The following KCNH7 variants were observed in gnomAD, a reference collection of about 807,000 sequenced individuals.
KCNH7 encodes voltage-gated inwardly rectifying potassium channel KCNH7.
In KCNH7, 49 loss-of-function variants were observed where a neutral mutation model predicts 120.8. The observed-to-expected ratio is 0.41, with a 90% CI of 0.32 to 0.51. The LOEUF is 0.51. KCNH7 is among the 20% of genes least tolerant of loss of function. The pLI, the probability that KCNH7 is intolerant of heterozygous loss-of-function variation, is 0.38. For missense variants in KCNH7, 1,097 were observed against 1,446.6 expected, an observed-to-expected ratio of 0.76 and a Z score of 3.92; for synonymous variants, 547 against 516.1, an observed-to-expected ratio of 1.06 and a Z score of -0.81.
In KCNH7 at chr2:162,403,968, C is replaced by A. The variant is rs1033411166; in HGVS notation, c.2155-3527G>T. 3.3e-5 allele frequency among the ~76,000 whole-genome samples: 5 copies of A among 151,878 alleles called. No individual in the cohort carries two copies. In the South Asian group the frequency reaches 1.0e-3, roughly 31 times the overall value. On this transcript the variant is annotated intron_variant, in intron 9 of 15. Coordinates refer to ENST00000332142, the MANE Select transcript of KCNH7 (RefSeq NM_033272.4). ...CTTAAGAAGATATTTATCCAGGGCA[C>A]CCCTTTTCATTGGCCTCAGCTATAT...
chr2:162,834,582 C>A (rs919382418), intron 2 of KCNH7, among the ~76,000 whole-genome samples: 1 of 151,924 alleles, frequency 6.6e-6, no homozygotes, highest in African/African-American at 2.4e-5. Flanking sequence ...ATGCATATAA[C>A]CAAGAAAATC....
intron 2 of KCNH7, among the ~76,000 whole-genome samples, chr2:162,670,389 G>T (rs1464593648): frequency 7.2e-6 from 1 of 139,060 alleles, no homozygotes; most frequent in African/African-American, 2.8e-5. Context: ...CAAGAGAGTC[G>T]CTTAAACCCG....
intron 2 of KCNH7, among the ~76,000 whole-genome samples, chr2:162,672,604 G>A (rs1057389964): frequency 5.9e-5 from 9 of 151,952 alleles, no homozygotes; most frequent in African/African-American, 1.4e-4. Context: ...AATAACAAAT[G>A]TTAATGAAAT....
intron 6 of KCNH7, among the ~76,000 whole-genome samples, chr2:162,466,300 T>C (rs1689302536): frequency 6.6e-6 from 1 of 152,140 alleles, no homozygotes; most frequent in African/African-American, 2.4e-5. Flanking sequence ...GACTGGGTAA[T>C]TTATAAAAAG....
At chr2:162,700,416 C>T (rs929962414) in intron 2 of KCNH7, among the ~76,000 whole-genome samples, 2 of 152,170 alleles carry the variant, frequency 1.3e-5, no homozygotes, top group African/African-American at 2.4e-5. Flanking sequence ...GCCAGCTTCT[C>T]TGCTTTCCTT....
intron 6 of KCNH7, among the ~76,000 whole-genome samples, chr2:162,462,072 T>C (rs180896873): frequency 6.6e-6 from 1 of 152,256 alleles, no homozygotes; most frequent in East Asian, 1.9e-4. Flanking sequence ...TCTCTGAGAT[T>C]ACACAATTAT....
intron 2 of KCNH7, among the ~76,000 whole-genome samples, chr2:162,816,991 A>G (rs1684937708): frequency 6.6e-6 from 1 of 152,138 alleles, no homozygotes; most frequent in Non-Finnish European, 1.5e-5. Flanking sequence ...CTTTATACGC[A>G]TTTATTTGTC....
intron 6 of KCNH7, among the ~76,000 whole-genome samples, chr2:162,449,382 TATA>T (rs1486615750): frequency 5.9e-5 from 9 of 152,088 alleles, no homozygotes; most frequent in African/African-American, 2.2e-4. Context: ...TTCTTATGCT[TATA>T]ACTCTTAATA....
chr2:162,656,260 C>T (rs1247894445), intron 2 of KCNH7, among the ~76,000 whole-genome samples: 1 of 152,142 alleles, frequency 6.6e-6, no homozygotes, highest in Non-Finnish European at 1.5e-5. Context: ...TGTTTCTATA[C>T]AACCTTCATG....
At chr2:162,595,010 T>A (rs1694329395) in intron 2 of KCNH7, among the ~76,000 whole-genome samples, 1 of 152,046 alleles carries the variant, frequency 6.6e-6, no homozygotes, top group African/African-American at 2.4e-5. Context: ...AATGAATGTG[T>A]GTATTAGCCC....
At chr2:162,511,769 C>T (rs1026992) in intron 5 of KCNH7, among the ~76,000 whole-genome samples, 137,161 of 151,680 alleles carry the variant, frequency 0.9, 63,659 homozygotes, top group East Asian at 1. Flanking sequence ...CAGTGACATA[C>T]AGGAGAGAGT....
chr2:162,788,172 T>C (rs7576289), intron 2 of KCNH7, among the ~76,000 whole-genome samples: 82,184 of 152,020 alleles, frequency 0.54, 25,476 homozygotes, highest in Non-Finnish European at 0.7. Context: ...GTGGCAATAA[T>C]TAAAAATACA....
chr2:162,580,969 A>T (rs1320892230), intron 2 of KCNH7, among the ~76,000 whole-genome samples: 1 of 152,114 alleles, frequency 6.6e-6, no homozygotes, highest in Non-Finnish European at 1.5e-5. Flanking sequence ...GAATTTAAAA[A>T]ATATATTAGC....
At chr2:162,585,365 C>T (rs990233688) in intron 2 of KCNH7, among the ~76,000 whole-genome samples, 1 of 152,082 alleles carries the variant, frequency 6.6e-6, no homozygotes, top group Non-Finnish European at 1.5e-5. Flanking sequence ...CTCACTTCTT[C>T]TGCCCCACAA....
At chr2:162,737,333 TAGCCTTGCAAAACACA>T (rs1687949349) in intron 2 of KCNH7, among the ~76,000 whole-genome samples, 1 of 151,368 alleles carries the variant, frequency 6.6e-6, no homozygotes, top group Non-Finnish European at 1.5e-5. Flanking sequence ...AGAGAGAGAG[TAGCCTTGCAAAACACA>T]AGGCCAGAAG....
At chr2:162,545,321 T>C (rs1692442543) in intron 2 of KCNH7, among the ~76,000 whole-genome samples, 1 of 152,214 alleles carries the variant, frequency 6.6e-6, no homozygotes, top group South Asian at 2.1e-4. Flanking sequence ...TCTGAAGTCC[T>C]ATTTTAGAGA....
At chr2:162,671,995 CG>C (rs1346473565) in intron 2 of KCNH7, among the ~76,000 whole-genome samples, 1 of 151,674 alleles carries the variant, frequency 6.6e-6, no homozygotes, top group African/African-American at 2.4e-5. Flanking sequence ...TGAAGTATAA[CG>C]AAAAAATTAC....
In KCNH7 at chr2:162,459,317, C is replaced by A. The variant is rs890904371; in HGVS notation, c.1129-12874G>T. ...ATGTTTGTAGCTTAAAGAGAAAGAG[C>A]CTATGCAAATAAAAGTATAGGAAAT... On this transcript the variant is annotated intron_variant, in intron 6 of 15. Coordinates refer to ENST00000332142, the MANE Select transcript of KCNH7 (RefSeq NM_033272.4). Among the ~76,000 whole-genome samples, 3 of 151,918 alleles carry A rather than the reference C, an allele frequency of 2.0e-5. No individual in the cohort carries two copies. In the South Asian group the frequency reaches 6.2e-4, roughly 32 times the overall value.
At chr2:162,804,470 T>G (rs1405815732) in intron 2 of KCNH7, among the ~76,000 whole-genome samples, 2 of 151,796 alleles carry the variant, frequency 1.3e-5, no homozygotes, top group African/African-American at 4.8e-5. Flanking sequence ...ACTTAATCTC[T>G]TTTACGATAG....
Sources: allele counts gnomAD v4.1 joint callset (sites outside exome capture counted in the v4.1 genomes callset), GRCh38; gene constraint gnomAD v4.1.1; transcripts MANE v1.5; gene names NCBI Gene and HGNC (gene_info 2026-07-23, HGNC 2026-07-21).